The following ELL2 variants were observed in gnomAD, a reference collection of about 807,000 sequenced individuals.
ELL2 encodes the protein RNA polymerase II elongation factor ELL2.
Under a neutral mutation model 72.8 loss-of-function variants are expected in ELL2, and 21 were observed. The observed-to-expected ratio is 0.29, with a 90% CI of 0.20 to 0.42. The LOEUF (loss-of-function observed/expected upper bound fraction) is 0.42. Ranked by LOEUF, ELL2 falls within the 10% of genes least tolerant of loss-of-function variation. The probability of loss-of-function intolerance (pLI) is 1.00; values close to 1 mark genes in which losing one functional copy is unlikely to be tolerated. For synonymous variants in ELL2, 266 were observed against 283.2 expected, an observed-to-expected ratio of 0.94 and a Z score of 0.61; for missense variants, 568 against 772.8, an observed-to-expected ratio of 0.73 and a Z score of 3.14.
chr5:95,917,742 T>A lies in ELL2; in HGVS notation c.317+1682A>T, dbSNP rs1432742961. Among the ~76,000 whole-genome samples, 4 of 123,464 alleles carry A rather than the reference T, an allele frequency of 3.2e-5. 1 individual carries two copies. The highest frequency in any genetic ancestry group is 3.1e-4 in the Admixed American group (4 of 12,916). 81.0% of individuals were successfully genotyped at this position (123,464 alleles called of 152,430 possible). A position where few individuals can be genotyped will look rare whatever the true frequency, so the allele number is the denominator to read the frequency against. ...ACTGCATCATACATAGTTTTGTAAG[T>A]GACCTTAAATCCTTTCCAAACAAGG... On this transcript the variant is annotated intron_variant, in intron 3 of 11. Transcript: ENST00000237853.
intron 4 of ELL2, among the ~76,000 whole-genome samples, chr5:95,908,643 A>G (rs1359231419): frequency 6.6e-6 from 1 of 152,182 alleles, no homozygotes; most frequent in East Asian, 1.9e-4. Context: ...ATACACACTG[A>G]AATTTCTAAT....
intron 2 of ELL2, among the ~76,000 whole-genome samples, chr5:95,932,146 ATTTG>A (rs1476771831): frequency 1.3e-5 from 2 of 152,028 alleles, no homozygotes; most frequent in African/African-American, 4.8e-5. Context: ...CATAAGTCAA[ATTTG>A]TTTGTTAATT....
intron 5 of ELL2, among the ~76,000 whole-genome samples, chr5:95,903,207 CCTT>C (rs1397855245): frequency 8.6e-6 from 1 of 115,754 alleles, no homozygotes; most frequent in East Asian, 2.8e-4. Context: ...TCTCTTAGGA[CCTT>C]TTTTTTTTTT....
intron 1 of ELL2, among the ~76,000 whole-genome samples, chr5:95,960,671 G>C (rs1751801169): frequency 6.6e-6 from 1 of 152,024 alleles, no homozygotes; most frequent in East Asian, 1.9e-4. Context: ...AAGACGCCGG[G>C]AGCTTTTTCG....
Position 95,898,673 on chromosome 5 carries a change from C to A in ELL2, c.1092G>T (p.Pro364=). 1.2e-6 allele frequency: 2 copies of A among 1,612,340 alleles called. No homozygotes were observed. The highest frequency in any genetic ancestry group is 8.5e-7 in the Non-Finnish European group (1 of 1,179,180). The change falls in exon 8 of 12, where the codon CCG becomes CCT. Residue 364 remains proline, a synonymous_variant. Transcript: ENST00000237853. Reference sequence around the variant, plus strand: ...GGATGGCAGCAGCCGCAGGGGGCAGCGGGAGGCCTGCAGCAGATTTTTCAC... The same window carrying A: ...GGATGGCAGCAGCCGCAGGGGGCAGAGGGAGGCCTGCAGCAGATTTTTCAC... ...PTSEKSAAGL[P]LPPAAAAIPT...
chr5:95,893,664 C>T (rs1483249003), intron 9 of ELL2, among the ~76,000 whole-genome samples: 2 of 152,172 alleles, frequency 1.3e-5, no homozygotes, highest in Admixed American at 6.5e-5. Flanking sequence ...GGATTACAGG[C>T]GTGAGCCACC....
chr5:95,936,751 G>A (rs933478186), intron 2 of ELL2, among the ~76,000 whole-genome samples: 26 of 152,030 alleles, frequency 1.7e-4, no homozygotes, highest in African/African-American at 4.8e-5. Context: ...TTAAATTTAA[G>A]GGACCACAAA....
chr5:95,915,354 C>A (rs1356436390), intron 3 of ELL2, among the ~76,000 whole-genome samples: 1 of 152,224 alleles, frequency 6.6e-6, no homozygotes, highest in African/African-American at 2.4e-5. Context: ...CTCGCCTTGG[C>A]CTCCCAAAGT....
intron 1 of ELL2, among the ~76,000 whole-genome samples, chr5:95,960,961 G>A (rs1057385411): frequency 1.3e-5 from 2 of 151,570 alleles, no homozygotes; most frequent in African/African-American, 4.9e-5. Context: ...CTATCTCTAT[G>A]AGTACACCGT....
chr5:95,907,296 A>ATATATATATATATTTTTTTTTT lies in ELL2; in HGVS notation c.482-515_482-514insAAAAAAAAAATATATATATATA. On this transcript the variant is annotated intron_variant, in intron 4 of 11. Transcript: ENST00000237853. ...GTTAGTGATATATATATATATATAT[A>ATATATATATATATTTTTTTTTT]TTTTTTTTTTTTACAGGCCAAGACA... Among the ~76,000 whole-genome samples the ATATATATATATATTTTTTTTTT allele has an allele frequency of 2.1e-3, 240 of 116,328 alleles. 1 individual carries two copies. The highest frequency in any genetic ancestry group is 0.011 in the South Asian group (36 of 3,244). 76.3% of individuals were successfully genotyped at this position (116,328 alleles called of 152,430 possible).
At chr5:95,920,903 A>G (rs1381832256) in intron 2 of ELL2, among the ~76,000 whole-genome samples, 3 of 131,414 alleles carry the variant, frequency 2.3e-5, no homozygotes, top group African/African-American at 1.0e-4. Flanking sequence ...TGTCCTTTCC[A>G]TTATAAGATG....
intron 2 of ELL2, among the ~76,000 whole-genome samples, chr5:95,920,281 T>G (rs1319958715): frequency 1.8e-4 from 15 of 84,606 alleles, no homozygotes; most frequent in African/African-American, 7.6e-4. Flanking sequence ...TTTTTAATAT[T>G]TATTTATTTA....
intron 1 of ELL2, among the ~76,000 whole-genome samples, chr5:95,950,627 C>T (rs1327008809): frequency 1.3e-5 from 2 of 151,824 alleles, no homozygotes; most frequent in Non-Finnish European, 2.9e-5. Flanking sequence ...TTAAGCTTCA[C>T]AAAACCAATC....
At chr5:95,923,995 T>A (rs1252658636) in intron 2 of ELL2, among the ~76,000 whole-genome samples, 1 of 152,164 alleles carries the variant, frequency 6.6e-6, no homozygotes, top group East Asian at 1.9e-4. Context: ...AGCAGGAGAC[T>A]TATTGGAAAG....
At chr5:95,932,086 C>T (rs578043223) in intron 2 of ELL2, among the ~76,000 whole-genome samples, 27 of 151,402 alleles carry the variant, frequency 1.8e-4, no homozygotes, top group African/African-American at 6.5e-4. Context: ...AAAATGCATT[C>T]CTGAGGCAGA....
chr5:95,907,382 C>T (rs1749416788), intron 4 of ELL2, among the ~76,000 whole-genome samples: 1 of 150,318 alleles, frequency 6.7e-6, no homozygotes. Flanking sequence ...TCAGAGGGCA[C>T]AAACAAATCT....
Position 95,895,675 on chromosome 5 carries a change from G to A in ELL2, c.1542C>T (p.Cys514=), listed in dbSNP as rs769435323. The change falls in exon 9 of 12, where the codon TGC becomes TGT. Residue 514 remains cysteine (C), a synonymous_variant. Coordinates refer to ENST00000237853, the MANE Select transcript of ELL2 (RefSeq NM_012081.6). The part of the protein sequence containing the change: ...PNSSGGVKED[C]TASMEPSAIE... ...TTGCTGAAGGTTCCATGGAGGCAGT[G>A]CAATCCTCTTTAACTCCTATGAAGA... The A allele has an allele frequency of 6.2e-7, 1 of 1,613,860 alleles. No homozygotes were observed. Among genetic ancestry groups the A allele is most frequent in the Non-Finnish European group, 8.5e-7 (1 of 1,179,918 alleles).
chr5:95,907,296 A>ATATATATATATATATTTTTT, intron 4 of ELL2, among the ~76,000 whole-genome samples: 3 of 116,490 alleles, frequency 2.6e-5, no homozygotes, highest in African/African-American at 8.2e-5. Flanking sequence ...ATATATATAT[A>ATATATATATATATATTTTTT]TTTTTTTTTT....
chr5:95,907,296 ATT>A (rs1211663802), intron 4 of ELL2, among the ~76,000 whole-genome samples: 3 of 116,506 alleles, frequency 2.6e-5, no homozygotes, highest in Non-Finnish European at 3.3e-5. Flanking sequence ...ATATATATAT[ATT>A]TTTTTTTTTT....
Sources: allele counts gnomAD v4.1 joint callset (sites outside exome capture counted in the v4.1 genomes callset), GRCh38; gene constraint gnomAD v4.1.1; transcripts MANE v1.5; gene names NCBI Gene and HGNC (gene_info 2026-07-23, HGNC 2026-07-21).